Variants in TRAM1 observed in about 807,000 individuals in gnomAD.
The protein encoded by TRAM1 is translocating chain-associated membrane protein 1.
A neutral mutation model predicts 48.7 loss-of-function variants in TRAM1; 17 were observed. The observed-to-expected ratio is 0.35, with a 90% CI of 0.24 to 0.52. The LOEUF (loss-of-function observed/expected upper bound fraction) is 0.52, where lower values mean the gene tolerates loss of function less well. Ranked by LOEUF, TRAM1 falls within the 20% of genes least tolerant of loss-of-function variation. The pLI is 0.94. For missense variants in TRAM1, 351 were observed against 441.5 expected, an observed-to-expected ratio of 0.79 and a Z score of 1.84; for synonymous variants, 182 against 154.0, an observed-to-expected ratio of 1.18 and a Z score of -1.34.
At chr8:70,578,943 A>G (rs1051475230) in intron 10 of TRAM1, among the ~76,000 whole-genome samples, 1 of 152,266 alleles carries the variant, frequency 6.6e-6, no homozygotes, top group Non-Finnish European at 1.5e-5. Flanking sequence ...ACAGTCAACC[A>G]TGGTCTGAAA....
intron 1 of TRAM1, among the ~76,000 whole-genome samples, chr8:70,600,527 A>G (rs931668266): frequency 6.6e-6 from 1 of 152,196 alleles, no homozygotes. Context: ...CACACCCAGC[A>G]GAGTTAAGTG....
chr8:70,573,408 A>T lies in TRAM1; in HGVS notation c.*1524T>A, dbSNP rs166537. The T allele has an allele frequency of 0.73, 111,520 of 152,566 alleles. 42,553 individuals are homozygous for T. Among genetic ancestry groups the T allele is most frequent in the Non-Finnish European group, 0.85 (57,513 of 68,002 alleles). 9.5% of individuals were successfully genotyped at this position (152,566 alleles called of 1,614,324 possible). On this transcript the variant is annotated 3_prime_UTR_variant, in exon 11 of 11. Coordinates refer to ENST00000262213, the MANE Select transcript of TRAM1 (RefSeq NM_014294.6). ...GAGGTTATATACCAAAATAGCCTAA[A>T]CACCAACAATGACAGAAACATCCAG... is the stretch of plus-strand genomic sequence containing the variant.
intron 5 of TRAM1, among the ~76,000 whole-genome samples, chr8:70,595,931 G>A (rs1048776277): frequency 6.6e-6 from 1 of 151,598 alleles, no homozygotes; most frequent in Non-Finnish European, 1.5e-5. Context: ...CAGGGGGTGG[G>A]GACAAAGAAA....
intron 6 of TRAM1, among the ~76,000 whole-genome samples, chr8:70,592,534 A>G (rs1179182716): frequency 6.6e-6 from 1 of 152,234 alleles, no homozygotes; most frequent in Non-Finnish European, 1.5e-5. Context: ...TTATTCCATA[A>G]AAATTAGACT....
intron 10 of TRAM1, among the ~76,000 whole-genome samples, chr8:70,577,704 T>C (rs886675278): frequency 3.3e-5 from 5 of 152,184 alleles, no homozygotes; most frequent in African/African-American, 1.2e-4. Context: ...CACCACGTTG[T>C]GGATGACAAG....
intron 10 of TRAM1, among the ~76,000 whole-genome samples, chr8:70,578,880 G>A (rs902447953): frequency 9.2e-5 from 14 of 152,198 alleles, no homozygotes; most frequent in African/African-American, 3.4e-4. Context: ...CGAAAGTGAT[G>A]TACAATGGTC....
At chr8:70,605,922 G>T (rs530250087) in intron 1 of TRAM1, among the ~76,000 whole-genome samples, 8 of 152,266 alleles carry the variant, frequency 5.3e-5, no homozygotes, top group African/African-American at 1.9e-4. Context: ...TATAGTAAGA[G>T]AATGTAAAAT....
In TRAM1 at chr8:70,574,142, C is replaced by T. The variant is rs764597233; in HGVS notation, c.*790G>A. On this transcript the variant is annotated 3_prime_UTR_variant, in exon 11 of 11. Transcript: ENST00000262213. ...TGTGCATATTAAACTTATTATGAGC[C>T]CCATTAAGAATCATTATTAATAAAC... 4.2e-5 allele frequency: 14 copies of T among 336,186 alleles called. No individual in the cohort carries two copies. Among genetic ancestry groups the T allele is most frequent in the African/African-American group, 2.8e-4 (12 of 43,320 alleles). 20.8% of individuals were successfully genotyped at this position (336,186 alleles called of 1,614,324 possible).
intron 1 of TRAM1, among the ~76,000 whole-genome samples, chr8:70,604,594 T>C (rs1041802754): frequency 6.6e-6 from 1 of 151,624 alleles, no homozygotes; most frequent in Non-Finnish European, 1.5e-5. Context: ...GATGTGTCTC[T>C]CCCTCAAACT....
chr8:70,574,989 T>C lies in TRAM1; in HGVS notation c.1068A>G (p.Gly356=), dbSNP rs996675280. 4.3e-6 allele frequency: 7 copies of C among 1,609,452 alleles called. No individual in the cohort carries two copies. Among genetic ancestry groups the C allele is most frequent in the Non-Finnish European group, 5.9e-6 (7 of 1,178,300 alleles). The change falls in exon 11 of 11, where the codon GGA becomes GGG. Residue 356 remains glycine (G), a synonymous_variant. Transcript: ENST00000262213. ...SKKGTENGVN[G]TLTSNVADSP... The stretch of plus-strand genomic sequence containing the variant: ...AGTCTGCTACATTTGAAGTTAATGT[T>C]CCATTCACACCATTTTCTGCAAAAA...
At chr8:70,576,355 T>G (rs1015043123) in intron 10 of TRAM1, among the ~76,000 whole-genome samples, 13 of 152,104 alleles carry the variant, frequency 8.5e-5, no homozygotes, top group African/African-American at 3.1e-4. Flanking sequence ...TGGTTTTGAC[T>G]GATGGAAGGA....
intron 6 of TRAM1, among the ~76,000 whole-genome samples, chr8:70,592,054 T>C (rs939474563): frequency 1.3e-5 from 2 of 152,166 alleles, no homozygotes; most frequent in Non-Finnish European, 2.9e-5. Flanking sequence ...TATGCAATTA[T>C]AGGTATGTAT....
chr8:70,584,615 C>G (rs1334670882), intron 8 of TRAM1, among the ~76,000 whole-genome samples: 1 of 152,294 alleles, frequency 6.6e-6, no homozygotes, highest in South Asian at 2.1e-4. Flanking sequence ...GTACAAAAAT[C>G]ACAAGCATTC....
intron 4 of TRAM1, 138 bp downstream of exon 4, chr8:70,597,757 T>C (rs1047303726): frequency 4.9e-6 from 2 of 404,162 alleles, no homozygotes; most frequent in Non-Finnish European, 8.4e-6. Flanking sequence ...ACAGTAAACA[T>C]AGTTTAGAAT....
In TRAM1 at chr8:70,600,080, T is replaced by C; in HGVS notation, c.126A>G (p.Ile42Met). ...CAAAAATGATAGAAGCTTTTGCCGTTATCTACAAAGAAGGAAAAACAAAGA... is the reference window on the plus strand; with the variant it reads ...CAAAAATGATAGAAGCTTTTGCCGTCATCTACAAAGAAGGAAAAACAAAGA... ...MVFLLGLMFE[I>M]TAKASIIFVT... Residue 42 changes from isoleucine (I) to methionine (M), a missense_variant and splice_region_variant, in exon 2 of 11, where the codon ATA (isoleucine) becomes ATG (methionine). Physicochemically the swap from Ile to Met is conservative, Grantham distance 10. Coordinates refer to ENST00000262213, the MANE Select transcript of TRAM1 (RefSeq NM_014294.6). The C allele has an allele frequency of 3.7e-6, 6 of 1,613,326 alleles. No homozygotes were observed. Among genetic ancestry groups the C allele is most frequent in the Non-Finnish European group, 5.1e-6 (6 of 1,179,454 alleles).
chr8:70,578,497 G>A (rs1242755438), intron 10 of TRAM1, among the ~76,000 whole-genome samples: 1 of 152,204 alleles, frequency 6.6e-6, no homozygotes, highest in Non-Finnish European at 1.5e-5. Context: ...TAGTGGCATG[G>A]TGACATGTGC....
chr8:70,605,301 T>A (rs1017164739), intron 1 of TRAM1, among the ~76,000 whole-genome samples: 2 of 152,212 alleles, frequency 1.3e-5, no homozygotes, highest in African/African-American at 2.4e-5. Flanking sequence ...ATTTTACAGA[T>A]GAGGAAACTT....
chr8:70,589,784 C>T (rs1036549606), intron 6 of TRAM1, among the ~76,000 whole-genome samples: 5 of 152,074 alleles, frequency 3.3e-5, no homozygotes, highest in Admixed American at 2.6e-4. Context: ...GCTGCAGCTG[C>T]ACTGAGCCGT....
intron 9 of TRAM1, 148 bp downstream of exon 9, chr8:70,583,500 CAT>C: frequency 7.8e-7 from 1 of 1,289,768 alleles, no homozygotes; most frequent in Non-Finnish European, 1.1e-6. Flanking sequence ...TCACTTTAGA[CAT>C]GTAAAATAGC....
Sources: gnomAD v4.1 joint callset for allele counts (sites outside exome capture counted in the v4.1 genomes callset) on GRCh38, gnomAD v4.1.1 for gene constraint, MANE v1.5 for transcripts, NCBI Gene and HGNC (gene_info 2026-07-23, HGNC 2026-07-21) for gene names.